Variants in ARID3B observed in about 807,000 individuals in gnomAD.
ARID3B encodes the protein AT-rich interaction domain 3B.
In ARID3B, 10 loss-of-function variants were observed where a neutral mutation model predicts 51.9. That is an observed-to-expected ratio of 0.19 (90% CI 0.12 to 0.33). The LOEUF is 0.33. Among genes scored for constraint, ARID3B ranks in the 10% least tolerant of loss-of-function variants. The pLI, the probability that ARID3B is intolerant of heterozygous loss-of-function variation, is 1.00. For missense variants in ARID3B, 483 were observed against 716.3 expected (o/e 0.67, Z 3.72); for synonymous variants, 205 against 279.5 (o/e 0.73, Z 2.66).
chr15:74,541,513 G>C (rs1454492963), intron 1 of ARID3B, among the ~76,000 whole-genome samples, 183 bp downstream of exon 1: 3 of 152,262 alleles, frequency 2.0e-5, no homozygotes, highest in African/African-American at 7.2e-5. Flanking sequence ...GTGCCCATTA[G>C]GGCATTTGAG....
chr15:74,556,760 C>CTTTTTTTTTT (rs1390144579), intron 2 of ARID3B, among the ~76,000 whole-genome samples: 2 of 142,164 alleles, frequency 1.4e-5, no homozygotes, highest in Admixed American at 7.3e-5. Flanking sequence ...TTCCTTTTTT[C>CTTTTTTTTTT]TTTTTTTTGT....
chr15:74,582,231 G>A (rs995045886), intron 4 of ARID3B, among the ~76,000 whole-genome samples: 2 of 151,684 alleles, frequency 1.3e-5, no homozygotes, highest in South Asian at 2.1e-4. Context: ...GCAGTGGCGC[G>A]ATTTCGGCTC....
chr15:74,578,509 C>T (rs896437475), intron 4 of ARID3B, among the ~76,000 whole-genome samples: 2 of 152,024 alleles, frequency 1.3e-5, no homozygotes, highest in African/African-American at 2.4e-5. Flanking sequence ...AGAACAAGGG[C>T]CCTTAGACAT....
intron 4 of ARID3B, among the ~76,000 whole-genome samples, chr15:74,579,044 A>G (rs1417507871): frequency 6.6e-6 from 1 of 152,254 alleles, no homozygotes. Context: ...GGCTGTGCCC[A>G]CAGAGGAAGC....
At chr15:74,557,795 C>G (rs2061664189) in intron 2 of ARID3B, among the ~76,000 whole-genome samples, 1 of 148,902 alleles carries the variant, frequency 6.7e-6, no homozygotes, top group South Asian at 2.1e-4. Context: ...ACTTTAATTA[C>G]AGTATTCTAG....
intron 2 of ARID3B, among the ~76,000 whole-genome samples, chr15:74,570,462 CAAA>C (rs71137395): frequency 1.3e-3 from 86 of 64,582 alleles, no homozygotes; most frequent in African/African-American, 3.6e-3. Context: ...CTATAATTAG[CAAA>C]AAAAAAAAAA....
At chr15:74,564,308 T>G (rs906413336) in intron 2 of ARID3B, among the ~76,000 whole-genome samples, 1 of 152,332 alleles carries the variant, frequency 6.6e-6, no homozygotes, top group African/African-American at 2.4e-5. Flanking sequence ...TGAAATCAGT[T>G]AAAACTGGTA....
At chr15:74,585,620 A>G (rs1266326171) in intron 4 of ARID3B, among the ~76,000 whole-genome samples, 1 of 152,198 alleles carries the variant, frequency 6.6e-6, no homozygotes, top group Non-Finnish European at 1.5e-5. Flanking sequence ...TTTTTTATTC[A>G]TAGACTTTAG....
chr15:74,549,902 C>G (rs1272701627), intron 2 of ARID3B, among the ~76,000 whole-genome samples: 1 of 152,206 alleles, frequency 6.6e-6, no homozygotes, highest in African/African-American at 2.4e-5. Flanking sequence ...CTATAACGCA[C>G]TGGACAGCCC....
At chr15:74,579,378 C>T (rs572086995) in intron 4 of ARID3B, among the ~76,000 whole-genome samples, 1 of 152,270 alleles carries the variant, frequency 6.6e-6, no homozygotes, top group East Asian at 1.9e-4. Context: ...GTGGAAAGAG[C>T]TCTGGACTGG....
At chr15:74,559,162 C>G (rs944741646) in intron 2 of ARID3B, among the ~76,000 whole-genome samples, 4 of 152,194 alleles carry the variant, frequency 2.6e-5, no homozygotes, top group Admixed American at 6.5e-5. Flanking sequence ...CTCAGTTCAG[C>G]ACTCGGCTCT....
intron 1 of ARID3B, among the ~76,000 whole-genome samples, chr15:74,541,739 G>T (rs1045006114): frequency 6.6e-6 from 1 of 152,072 alleles, no homozygotes; most frequent in Admixed American, 6.5e-5. Context: ...GCTTACAGGG[G>T]CCCGGGGCCA....
chr15:74,550,240 A>G (rs2061631381), intron 2 of ARID3B, among the ~76,000 whole-genome samples: 1 of 152,150 alleles, frequency 6.6e-6, no homozygotes, highest in Admixed American at 6.6e-5. Flanking sequence ...GCACTCCATG[A>G]TATCTTTGAT....
At chr15:74,557,108 G>A (rs1047787574) in intron 2 of ARID3B, among the ~76,000 whole-genome samples, 3 of 151,814 alleles carry the variant, frequency 2.0e-5, no homozygotes, top group Non-Finnish European at 2.9e-5. Flanking sequence ...TTTTTTAGCA[G>A]AGACTTATAT....
chr15:74,594,340 C>T (rs1023814189), intron 8 of ARID3B, among the ~76,000 whole-genome samples: 3 of 151,648 alleles, frequency 2.0e-5, no homozygotes, highest in Non-Finnish European at 2.9e-5. Context: ...CCCAGCTACT[C>T]GGGAGGCTGA....
chr15:74,556,964 A>T (rs1359337787), intron 2 of ARID3B, among the ~76,000 whole-genome samples: 1 of 150,722 alleles, frequency 6.6e-6, no homozygotes, highest in African/African-American at 2.4e-5. Context: ...TTTAGTAGAG[A>T]CAGGGTTTCA....
intron 2 of ARID3B, among the ~76,000 whole-genome samples, chr15:74,565,512 A>T (rs182269925): frequency 1.2e-3 from 176 of 152,324 alleles, no homozygotes; most frequent in African/African-American, 4.0e-3. Context: ...GGAAGGGTTA[A>T]CCCTTGCCTT....
chr15:74,563,254 G>A (rs1309205613), intron 2 of ARID3B, among the ~76,000 whole-genome samples: 21 of 152,216 alleles, frequency 1.4e-4, no homozygotes, highest in Admixed American at 1.2e-3. Flanking sequence ...GTATATCATA[G>A]TAGCACCCCA....
intron 4 of ARID3B, among the ~76,000 whole-genome samples, chr15:74,579,872 T>TGTGTGTGTGCGCGC (rs1488209764): frequency 2.5e-5 from 3 of 118,936 alleles, no homozygotes; most frequent in African/African-American, 4.2e-5. Flanking sequence ...TGTGTGTGTG[T>TGTGTGTGTGCGCGC]GCGCGCGCGC....
Sources: gnomAD v4.1 joint callset for allele counts (sites outside exome capture counted in the v4.1 genomes callset) on GRCh38, gnomAD v4.1.1 for gene constraint, MANE v1.5 for transcripts, NCBI Gene and HGNC (gene_info 2026-07-23, HGNC 2026-07-21) for gene names.